ZBTB1: variants seen among roughly 807,000 people sequenced by gnomAD.
ZBTB1 encodes the protein zinc finger and BTB domain-containing protein 1.
ZBTB1 carries 13 observed loss-of-function variants against 51.6 expected under a neutral mutation model. The ratio of observed to expected loss-of-function variants is 0.25; its 90% CI spans 0.16 to 0.40. ZBTB1 has a LOEUF of 0.40. Among genes scored for constraint, ZBTB1 ranks in the 10% least tolerant of loss-of-function variants. The probability of loss-of-function intolerance (pLI) is 1.00; values close to 1 mark genes in which losing one functional copy is unlikely to be tolerated. For synonymous variants in ZBTB1, 240 were observed against 282.2 expected (o/e 0.85, Z 1.50); for missense variants, 567 against 856.5 (o/e 0.66, Z 4.22).
intron 1 of ZBTB1, among the ~76,000 whole-genome samples, chr14:64,519,149 CT>C (rs546867054): frequency 0.17 from 22,647 of 133,090 alleles, 1,965 homozygotes; most frequent in Non-Finnish European, 0.22. Context: ...TTTTTTGCTA[CT>C]TTTTTTTTTT....
At chr14:64,509,559 A>T (rs2079701792) in intron 1 of ZBTB1, among the ~76,000 whole-genome samples, 1 of 152,198 alleles carries the variant, frequency 6.6e-6, no homozygotes, top group African/African-American at 2.4e-5. Context: ...ATGATTTTTT[A>T]AAATTGGTTT....
exon 3 of ZBTB1, chr14:64,532,533 C>G (rs1413874010): frequency 2.6e-5 from 4 of 152,078 alleles, no homozygotes; most frequent in Non-Finnish European, 5.9e-5. Flanking sequence ...CAATCTTGAT[C>G]ATTTATATGA....
At chr14:64,505,101 C>T (rs1321560032) in intron 1 of ZBTB1, 155 bp downstream of exon 1, 3 of 351,992 alleles carry the variant, frequency 8.5e-6, no homozygotes, top group Non-Finnish European at 1.0e-5. Flanking sequence ...CGGTGACGGG[C>T]GGCTGCCAGG....
At position 64,531,730 on chromosome 14, in the gene ZBTB1, C is replaced by A. The variant is rs201124272; in HGVS notation, c.1899-131C>A. ...GGGGCTATGCTTGTGTTTCTATTCTCTGTTCTGTTAACAGTGTGTTGGCCT... is the reference window on the plus strand; with the variant it reads ...GGGGCTATGCTTGTGTTTCTATTCTATGTTCTGTTAACAGTGTGTTGGCCT... On this transcript the variant is annotated intron_variant, in intron 2 of 2. Coordinates refer to the ZBTB1 transcript ENST00000358738. 7.3e-6 allele frequency: 7 copies of A among 960,086 alleles called. No homozygotes were observed. The East Asian group carries it at 1.6e-4, about 22-fold the overall frequency. The allele number at this position is 960,086 out of a possible 1,614,324, so 59.5% of individuals were successfully genotyped here.
intron 1 of ZBTB1, among the ~76,000 whole-genome samples, chr14:64,515,523 T>A (rs1263671194): frequency 6.7e-6 from 1 of 148,200 alleles, no homozygotes; most frequent in Non-Finnish European, 1.5e-5. Flanking sequence ...CCTCATAATT[T>A]TTTTTTTTTT....
intron 1 of ZBTB1, among the ~76,000 whole-genome samples, chr14:64,513,270 A>G (rs1188544594): frequency 2.6e-5 from 4 of 152,286 alleles, no homozygotes; most frequent in Admixed American, 6.5e-5. Context: ...TGTGTAATGT[A>G]TCTGTGAGAG....
downstream of ZBTB1, among the ~76,000 whole-genome samples, chr14:64,526,008 CAG>C (rs1453977639): frequency 6.6e-6 from 1 of 151,930 alleles, no homozygotes; most frequent in Non-Finnish European, 1.5e-5. Context: ...TTAGTGGAGA[CAG>C]GGTTTCACCG....
chr14:64,513,344 A>G (rs1055509541), intron 1 of ZBTB1, among the ~76,000 whole-genome samples: 18 of 152,066 alleles, frequency 1.2e-4, no homozygotes, highest in Admixed American at 9.8e-4. Context: ...AGACATAACA[A>G]ATGTTAGCTA....
At chr14:64,518,904 GTATATATATATATATATATATA>G (rs71123855) in intron 1 of ZBTB1, among the ~76,000 whole-genome samples, 15 of 95,122 alleles carry the variant, frequency 1.6e-4, no homozygotes, top group African/African-American at 4.9e-4. Context: ...TTGCAGAGAG[GTATATATATATATATATATATA>G]TATATATATA....
Position 64,522,080 on chromosome 14 carries a change from A to G in ZBTB1, c.576A>G (p.Val192=), listed in dbSNP as rs2079865231. The G allele has an allele frequency of 1.9e-6, 3 of 1,614,202 alleles. No homozygotes were observed. Among genetic ancestry groups the G allele is most frequent in the Non-Finnish European group, 2.5e-6 (3 of 1,180,032 alleles). The change falls in exon 2 of 2, where the codon GTA becomes GTG. Residue 192 remains valine, a synonymous_variant. Transcript: ENST00000683701. ...ATTTTCCTGAGCCACTATTTGATGT[A>G]TGTAAAAAAAGTTCCGTGTCCAAAT... The part of the protein sequence containing the change: ...LGNFPEPLFD[V]CKKSSVSKLS...
chr14:64,517,779 ATATTTTT>A lies in ZBTB1; in HGVS notation c.-18-3706_-18-3700del, dbSNP rs1186156026. 9.3e-4 allele frequency among the ~76,000 whole-genome samples: 37 copies of A among 39,796 alleles called. 1 individual carries two copies. The East Asian group carries it at 0.023, about 24-fold the overall frequency. The allele number at this position is 39,796 out of a possible 152,430, so 26.1% of individuals were successfully genotyped here. On this transcript the variant is annotated intron_variant, in intron 1 of 1. Coordinates refer to ENST00000683701, the MANE Select transcript of ZBTB1 (RefSeq NM_001123329.2). Reference sequence around the variant, plus strand: ...GAAATATATATATATATATATATATATATTTTTTTTTTTTTTTTTTTTTTGAGACAGT... The same window carrying A: ...GAAATATATATATATATATATATATATTTTTTTTTTTTTTTTTGAGACAGT...
intron 1 of ZBTB1, chr14:64,518,323 C>T (rs1034059456): frequency 6.6e-6 from 1 of 152,108 alleles, no homozygotes; most frequent in African/African-American, 2.4e-5. Context: ...TTTACAGATA[C>T]CTGAGTTACA....
At chr14:64,517,624 T>C (rs750020832) in intron 1 of ZBTB1, among the ~76,000 whole-genome samples, 9 of 151,560 alleles carry the variant, frequency 5.9e-5, no homozygotes, top group Non-Finnish European at 1.2e-4. Context: ...TCATCTTTTT[T>C]CCCCCCACCT....
Position 64,522,609 on chromosome 14 carries a change from T to C in ZBTB1, c.1105T>C (p.Phe369Leu). Residue 369 changes from phenylalanine to leucine, a missense_variant, in exon 2 of 2, where the codon TTT (phenylalanine) becomes CTT (leucine). Phe to Leu is a conservative substitution (Grantham distance 22). Coordinates refer to ENST00000683701, the MANE Select transcript of ZBTB1 (RefSeq NM_001123329.2). ...ATTAGAAGATGAACCTGAAGAGCCA[T>C]TTTATAGATACTATGTTGAAGAAGA... ...DELEDEPEEP[F>L]YRYYVEEDVS... The C allele has an allele frequency of 6.2e-7, 1 of 1,614,152 alleles. No homozygotes were observed. Among genetic ancestry groups the C allele is most frequent in the South Asian group, 1.1e-5 (1 of 91,078 alleles).
intron 1 of ZBTB1, among the ~76,000 whole-genome samples, chr14:64,520,143 A>G (rs2079845707): frequency 1.3e-5 from 2 of 152,002 alleles, no homozygotes; most frequent in South Asian, 2.1e-4. Context: ...CTGGGAATAC[A>G]GGCGCCCACC....
chr14:64,504,816 A>C lies in ZBTB1; in HGVS notation c.-149A>C, dbSNP rs1210161129. 1 of 389,372 alleles carries C rather than the reference A, an allele frequency of 2.6e-6. No individual in the cohort carries two copies. The highest frequency in any genetic ancestry group is 4.5e-6 in the Non-Finnish European group (1 of 220,294). 24.1% of individuals were successfully genotyped at this position (389,372 alleles called of 1,614,324 possible). Reference sequence around the variant, plus strand: ...GAGCCAGAGCCTCTCCGCGCAGCCCAGCCCGAGCGCCGAGCGCCGCGCGCC... The same window carrying C: ...GAGCCAGAGCCTCTCCGCGCAGCCCCGCCCGAGCGCCGAGCGCCGCGCGCC... On this transcript the variant is annotated 5_prime_UTR_variant, in exon 1 of 2. Transcript: ENST00000683701.
intron 2 of ZBTB1, among the ~76,000 whole-genome samples, chr14:64,531,570 C>T (rs1300700206): frequency 6.6e-6 from 1 of 152,190 alleles, no homozygotes; most frequent in Non-Finnish European, 1.5e-5. Flanking sequence ...TCCTTCCTCC[C>T]TACTTTCCTC....
At chr14:64,530,569 T>C (rs2079935371) in intron 2 of ZBTB1, among the ~76,000 whole-genome samples, 1 of 151,762 alleles carries the variant, frequency 6.6e-6, no homozygotes, top group Admixed American at 6.6e-5. Flanking sequence ...ATCGTGCCAC[T>C]GTACTCCAGC....
chr14:64,523,294 A>G lies in ZBTB1; in HGVS notation c.1790A>G (p.Tyr597Cys). ...FYQRCHLREH[Y>C]TVHTKEKQFV... is the part of the protein sequence containing the mutation. ...CAGCGGTGTCACTTAAGAGAACACT[A>G]TACTGTTCATACTAAGGAAAAACAG... is the stretch of plus-strand genomic sequence containing the variant. The change falls in exon 2 of 2, where the codon TAT becomes TGT. Residue 597 changes from tyrosine to cysteine, a missense_variant. Transcript: ENST00000683701. This position sits in a 1 kb window ranked among gnomAD's most constrained non-coding sequence, Gnocchi z 4.5. 6.2e-7 allele frequency: 1 copy of G among 1,614,196 alleles called. No individual in the cohort carries two copies. Among genetic ancestry groups the G allele is most frequent in the South Asian group, 1.1e-5 (1 of 91,082 alleles).
Sources: gnomAD v4.1 joint callset for allele counts (sites outside exome capture counted in the v4.1 genomes callset) on GRCh38, gnomAD v4.1.1 for gene constraint, Gnocchi (gnomAD v3.1) non-coding constraint, MANE v1.5 for transcripts, NCBI Gene and HGNC (gene_info 2026-07-23, HGNC 2026-07-21) for gene names.